Variants in NIPAL3 observed in about 807,000 individuals in gnomAD.
NIPAL3 encodes NIPA like domain containing 3.
A neutral mutation model predicts 47.2 loss-of-function variants in NIPAL3; 41 were observed. The observed-to-expected ratio is 0.87, with a 90% CI of 0.68 to 1.13. The LOEUF is 1.13. Among genes scored for constraint, NIPAL3 ranks in the 50% most tolerant of loss-of-function variants. The pLI, the probability that NIPAL3 is intolerant of heterozygous loss-of-function variation, is 0.00. For missense variants in NIPAL3, 449 were observed against 530.1 expected (o/e 0.85, Z 1.50); for synonymous variants, 194 against 209.6 (o/e 0.93, Z 0.64).
chr1:24,425,531 C>T (rs1644541338), intron 2 of NIPAL3, among the ~76,000 whole-genome samples: 1 of 152,040 alleles, frequency 6.6e-6, no homozygotes, highest in African/African-American at 2.4e-5. Context: ...GAATTCGACA[C>T]AAAAATAGAG....
chr1:24,428,678 T>G (rs1644741908), intron 2 of NIPAL3, among the ~76,000 whole-genome samples: 1 of 152,242 alleles, frequency 6.6e-6, no homozygotes, highest in Non-Finnish European at 1.5e-5. Flanking sequence ...AAAATGATGA[T>G]GAGATAAATT....
At chr1:24,455,557 G>A (rs184651861) in intron 7 of NIPAL3, among the ~76,000 whole-genome samples, 18 of 152,254 alleles carry the variant, frequency 1.2e-4, no homozygotes, top group Admixed American at 2.6e-4. Context: ...GGAGGCTCAC[G>A]CCTGTAATCC....
chr1:24,466,241 C>T (rs183385200), intron 11 of NIPAL3: 121 of 667,056 alleles, frequency 1.8e-4, no homozygotes, highest in Admixed American at 1.4e-3. Flanking sequence ...CAAGGCCACT[C>T]TGCAGCTGTG....
intron 10 of NIPAL3, among the ~76,000 whole-genome samples, chr1:24,463,630 C>G (rs1646572262): frequency 6.6e-6 from 1 of 152,144 alleles, no homozygotes; most frequent in South Asian, 2.1e-4. Context: ...AGGGACTCTC[C>G]AATTTTTATT....
At chr1:24,426,729 C>T (rs1644606705) in intron 2 of NIPAL3, among the ~76,000 whole-genome samples, 1 of 152,164 alleles carries the variant, frequency 6.6e-6, no homozygotes, top group Non-Finnish European at 1.5e-5. Context: ...CTGGGAGCAG[C>T]TCCTGAGATA....
Position 24,442,061 on chromosome 1 carries a change from T to G in NIPAL3, c.169T>G (p.Cys57Gly). The stretch of plus-strand genomic sequence containing the variant: ...TTATTTCTCGGGTTTCTAGAAGTAC[T>G]GCCACATCCGCCTGGCAGGCTCCAA... ...VSIALNLQKYCHIRLAGSKDP... is the reference protein window; with the variant it reads ...VSIALNLQKYGHIRLAGSKDP... Residue 57 changes from cysteine (C) to glycine (G), a missense_variant, in exon 4 of 12, where the codon TGC (cysteine) becomes GGC (glycine). By Grantham distance (159) the Cys-to-Gly change is radical (BLOSUM62 -3). Transcript: ENST00000374399. 1 of 1,613,808 alleles carries G rather than the reference T, an allele frequency of 6.2e-7. No individual in the cohort carries two copies. The highest frequency in any genetic ancestry group is 8.5e-7 in the Non-Finnish European group (1 of 1,179,804).
At chr1:24,467,826 T>C (rs1386840683) in intron 11 of NIPAL3, among the ~76,000 whole-genome samples, 1 of 152,016 alleles carries the variant, frequency 6.6e-6, no homozygotes, top group Non-Finnish European at 1.5e-5. Context: ...CCCCAGGTAT[T>C]CAAGACTAGC....
At position 24,468,966 on chromosome 1, in the gene NIPAL3, G is replaced by C. The variant is rs1475710787; in HGVS notation, c.1022-20G>C. On this transcript the variant is annotated intron_variant, in intron 11 of 11. Transcript: ENST00000374399. Reference sequence around the variant, plus strand: ...CCCCCTTACCGCGTAATGATTTGGAGAAAATGGATTTCATTTCAGGTATGC... The same window carrying C: ...CCCCCTTACCGCGTAATGATTTGGACAAAATGGATTTCATTTCAGGTATGC... The C allele has an allele frequency of 6.2e-7, 1 of 1,612,990 alleles. No individual in the cohort carries two copies. Among genetic ancestry groups the C allele is most frequent in the Non-Finnish European group, 8.5e-7 (1 of 1,179,162 alleles).
chr1:24,450,843 C>T (rs1042434373), intron 6 of NIPAL3, among the ~76,000 whole-genome samples: 19 of 152,222 alleles, frequency 1.2e-4, no homozygotes, highest in Non-Finnish European at 1.6e-4. Flanking sequence ...CTGGAACATC[C>T]TTTTTCCTCA....
At chr1:24,435,103 T>C (rs1173925457) in intron 2 of NIPAL3, among the ~76,000 whole-genome samples, 1 of 152,218 alleles carries the variant, frequency 6.6e-6, no homozygotes, top group Non-Finnish European at 1.5e-5. Flanking sequence ...AATTAACCCA[T>C]ACATCTATGG....
intron 4 of NIPAL3, 63 bp downstream of exon 4, chr1:24,442,289 C>A: frequency 1.9e-6 from 3 of 1,553,440 alleles, no homozygotes; most frequent in Non-Finnish European, 2.6e-6. Flanking sequence ...AGAGTGCCAG[C>A]GCCAGGATCA....
intron 2 of NIPAL3, among the ~76,000 whole-genome samples, chr1:24,431,668 C>T (rs1644884442): frequency 6.6e-6 from 1 of 152,114 alleles, no homozygotes; most frequent in African/African-American, 2.4e-5. Context: ...GGTTTCTTTC[C>T]ATCTTCCCTG....
rs115099542 is a variant in NIPAL3, at chr1:24,436,221, G to A, written c.94-3951G>A. 5.1e-3 allele frequency among the ~76,000 whole-genome samples: 773 copies of A among 152,192 alleles called. 7 individuals carry two copies. Among genetic ancestry groups the A allele is most frequent in the African/African-American group, 0.018 (744 of 41,510 alleles). ...TGGTGTTTAGAATAGTGAGGTTATTGTCTAAAAGTGTTTTTCTTGCCAAGC... is the reference window on the plus strand; with the variant it reads ...TGGTGTTTAGAATAGTGAGGTTATTATCTAAAAGTGTTTTTCTTGCCAAGC... On this transcript the variant is annotated intron_variant, in intron 2 of 11. Transcript: ENST00000374399.
intron 5 of NIPAL3, among the ~76,000 whole-genome samples, chr1:24,447,418 T>G (rs577090956): frequency 9.9e-5 from 15 of 152,258 alleles, no homozygotes; most frequent in African/African-American, 3.6e-4. Flanking sequence ...CTGAAAAATT[T>G]TAAAACAGAA....
chr1:24,423,188 A>G (rs1644411376), intron 2 of NIPAL3, among the ~76,000 whole-genome samples: 2 of 152,240 alleles, frequency 1.3e-5, no homozygotes, highest in African/African-American at 4.8e-5. Flanking sequence ...CATTCTGTGA[A>G]GGAACCAGAA....
intron 5 of NIPAL3, among the ~76,000 whole-genome samples, chr1:24,447,369 G>A (rs1224967622): frequency 6.6e-6 from 1 of 152,148 alleles, no homozygotes; most frequent in Non-Finnish European, 1.5e-5. Flanking sequence ...TTGGGACTAT[G>A]GGTACTCACT....
rs1646037215 is a variant in NIPAL3 at position 24,453,419 on chromosome 1, C to T, written c.552C>T (p.Ile184=). 6.2e-7 allele frequency: 1 copy of T among 1,613,154 alleles called. No individual in the cohort carries two copies. Among genetic ancestry groups the T allele is most frequent in the African/African-American group, 1.3e-5 (1 of 74,796 alleles). The change falls in exon 7 of 12, where the codon ATC becomes ATT. Residue 184 remains isoleucine, a synonymous_variant. Transcript: ENST00000374399. ...WPFLLYMLVE[I]ILFCLLLYFY... ...GCTGCCTTCCACAGCTGGTGGAGAT[C>T]ATTCTGTTCTGCTTGCTGCTCTACT...
At chr1:24,448,751 C>T (rs902447962) in intron 5 of NIPAL3, among the ~76,000 whole-genome samples, 1 of 152,076 alleles carries the variant, frequency 6.6e-6, no homozygotes. Flanking sequence ...ACATTTGACA[C>T]TAACTACCAA....
chr1:24,441,739 G>A (rs1210735202), intron 3 of NIPAL3, among the ~76,000 whole-genome samples: 2 of 152,132 alleles, frequency 1.3e-5, no homozygotes, highest in Non-Finnish European at 2.9e-5. Flanking sequence ...TGCCTGTGAC[G>A]TGCATTAGAA....
Sources: gnomAD v4.1 joint callset for allele counts (sites outside exome capture counted in the v4.1 genomes callset) on GRCh38, gnomAD v4.1.1 for gene constraint, MANE v1.5 for transcripts, NCBI Gene and HGNC (gene_info 2026-07-23, HGNC 2026-07-21) for gene names.